Variants in KIAA0825 observed in about 807,000 individuals in gnomAD.
KIAA0825 encodes the protein uncharacterized protein KIAA0825.
In KIAA0825, 119 loss-of-function variants were observed where a neutral mutation model predicts 147.6. The ratio of observed to expected loss-of-function variants is 0.81; its 90% CI spans 0.69 to 0.94. The LOEUF is 0.94. Among genes scored for constraint, KIAA0825 ranks in the 40% least tolerant of loss-of-function variants. The probability of loss-of-function intolerance (pLI) is 0.00; values close to 1 mark genes in which losing one functional copy is unlikely to be tolerated. For missense variants in KIAA0825, 1,381 were observed against 1,472.7 expected (o/e 0.94, Z 1.02); for synonymous variants, 470 against 518.1 (o/e 0.91, Z 1.26).
At chr5:94,242,816 A>G (rs1435543104) in intron 20 of KIAA0825, among the ~76,000 whole-genome samples, 1 of 151,798 alleles carries the variant, frequency 6.6e-6, no homozygotes, top group Non-Finnish European at 1.5e-5. Context: ...AGTAGAGATT[A>G]GGTTTTGCTA....
At chr5:94,578,117 CA>C (rs754434677) in intron 2 of KIAA0825, among the ~76,000 whole-genome samples, 4 of 152,162 alleles carry the variant, frequency 2.6e-5, no homozygotes, top group Non-Finnish European at 5.9e-5. Flanking sequence ...GCTCTGCTAA[CA>C]AAAAGTATTT....
chr5:94,374,574 C>T (rs1410147874), intron 20 of KIAA0825, among the ~76,000 whole-genome samples: 3 of 152,166 alleles, frequency 2.0e-5, no homozygotes, highest in Non-Finnish European at 4.4e-5. Context: ...GGTCATGCTT[C>T]TACCAAGCTG....
chr5:94,230,008 A>G (rs983923709), intron 20 of KIAA0825, among the ~76,000 whole-genome samples: 3 of 152,138 alleles, frequency 2.0e-5, no homozygotes, highest in African/African-American at 4.8e-5. Flanking sequence ...ATTCTAGGCT[A>G]TCATATTTAA....
intron 20 of KIAA0825, among the ~76,000 whole-genome samples, chr5:94,254,542 GTTTTTAAAATGAGACT>G (rs1562336281): frequency 1.3e-5 from 2 of 152,160 alleles, no homozygotes; most frequent in African/African-American, 4.8e-5. Context: ...CAAAAATGAG[GTTTTTAAAATGAGACT>G]TTTTGATTTT....
intron 20 of KIAA0825, among the ~76,000 whole-genome samples, chr5:94,259,582 T>G (rs10463161): frequency 0.13 from 20,054 of 151,970 alleles, 1,578 homozygotes; most frequent in East Asian, 0.22. Context: ...AACTGGAGAC[T>G]CAATGTTTTA....
chr5:94,399,118 AT>A (rs1217799252), intron 16 of KIAA0825, among the ~76,000 whole-genome samples: 2 of 152,214 alleles, frequency 1.3e-5, no homozygotes, highest in African/African-American at 4.8e-5. Flanking sequence ...TCAGCACCTG[AT>A]AAAAATAGTT....
chr5:94,306,182 GA>G (rs894810769), intron 20 of KIAA0825, among the ~76,000 whole-genome samples: 2 of 150,940 alleles, frequency 1.3e-5, no homozygotes, highest in Admixed American at 6.6e-5. Context: ...CATATTTAGA[GA>G]AAAAAAAGGG....
At chr5:94,421,305 C>G (rs1388643699) in intron 14 of KIAA0825, among the ~76,000 whole-genome samples, 5 of 152,244 alleles carry the variant, frequency 3.3e-5, no homozygotes, top group Admixed American at 3.3e-4. Context: ...GGGGCTCCCC[C>G]AGAACAGTGG....
intron 3 of KIAA0825, among the ~76,000 whole-genome samples, chr5:94,531,444 G>A (rs1011047691): frequency 7.9e-5 from 12 of 152,216 alleles, no homozygotes; most frequent in African/African-American, 2.9e-4. Context: ...TTCATGCTGA[G>A]AGCTTCAGTG....
At chr5:94,287,446 ACTT>A (rs1244779295) in intron 20 of KIAA0825, among the ~76,000 whole-genome samples, 12 of 152,216 alleles carry the variant, frequency 7.9e-5, no homozygotes, top group African/African-American at 2.9e-4. Flanking sequence ...AGGGGCAACT[ACTT>A]CAGCCACTAT....
At chr5:94,581,688 T>G (rs572470075) in intron 2 of KIAA0825, among the ~76,000 whole-genome samples, 16 of 152,294 alleles carry the variant, frequency 1.1e-4, no homozygotes, top group African/African-American at 3.8e-4. Flanking sequence ...TTAATATCTA[T>G]TATTTAAAAA....
chr5:94,495,609 C>T (rs999152853), intron 5 of KIAA0825, among the ~76,000 whole-genome samples: 1 of 152,232 alleles, frequency 6.6e-6, no homozygotes, highest in Admixed American at 6.5e-5. Context: ...CAGTCACCAT[C>T]AGCTCCTGTG....
intron 20 of KIAA0825, among the ~76,000 whole-genome samples, chr5:94,173,119 C>T (rs989151569): frequency 4.0e-5 from 6 of 151,896 alleles, no homozygotes; most frequent in African/African-American, 9.7e-5. Flanking sequence ...AGACAATTAG[C>T]GACACTTCTA....
intron 13 of KIAA0825, among the ~76,000 whole-genome samples, chr5:94,440,626 A>G (rs562473806): frequency 6.6e-6 from 1 of 152,308 alleles, no homozygotes; most frequent in East Asian, 1.9e-4. Flanking sequence ...TAATATGTAA[A>G]GCCTTACATC....
intron 20 of KIAA0825, among the ~76,000 whole-genome samples, chr5:94,270,785 T>C (rs1299038624): frequency 6.6e-6 from 1 of 152,108 alleles, no homozygotes; most frequent in East Asian, 1.9e-4. Flanking sequence ...TAAATAAATG[T>C]ATGTATGGAG....
intron 14 of KIAA0825, among the ~76,000 whole-genome samples, chr5:94,417,904 T>C (rs1430571083): frequency 6.6e-6 from 1 of 152,160 alleles, no homozygotes; most frequent in East Asian, 1.9e-4. Flanking sequence ...TATCAATTGG[T>C]TCCTCAATAA....
intron 20 of KIAA0825, among the ~76,000 whole-genome samples, chr5:94,377,321 C>A (rs1276230263): frequency 3.9e-5 from 6 of 152,122 alleles, no homozygotes; most frequent in Non-Finnish European, 5.9e-5. Flanking sequence ...CACAGCACTG[C>A]GCTGTATTCA....
chr5:94,439,493 T>C (rs377403668), intron 14 of KIAA0825, among the ~76,000 whole-genome samples: 1 of 152,198 alleles, frequency 6.6e-6, no homozygotes, highest in East Asian at 1.9e-4. Flanking sequence ...TTTCTGATGA[T>C]TACTACTCTG....
rs532205485 is a variant in KIAA0825 at position 94,290,239 on chromosome 5, C to T, written c.3710+94129G>A. 3.3e-5 allele frequency among the ~76,000 whole-genome samples: 5 copies of T among 152,120 alleles called. No individual in the cohort carries two copies. In the South Asian group the frequency reaches 1.0e-3, roughly 32 times the overall value. Reference sequence around the variant, plus strand: ...CATGGTGGTTTGCTGCACCTATCAACCTGTCATCTACATTAGGTATTTCTC... The same window carrying T: ...CATGGTGGTTTGCTGCACCTATCAATCTGTCATCTACATTAGGTATTTCTC... On this transcript the variant is annotated intron_variant, in intron 20 of 20. Coordinates refer to ENST00000682413, the MANE Select transcript of KIAA0825 (RefSeq NM_001145678.3).
Sources: allele counts gnomAD v4.1 joint callset (sites outside exome capture counted in the v4.1 genomes callset), GRCh38; gene constraint gnomAD v4.1.1; transcripts MANE v1.5; gene names NCBI Gene and HGNC (gene_info 2026-07-23, HGNC 2026-07-21).